Variants in FAM3C observed in about 807,000 individuals in gnomAD.
The protein encoded by FAM3C is FAM3 metabolism regulating signaling molecule C.
FAM3C carries 15 observed loss-of-function variants against 32.5 expected under a neutral mutation model. The observed-to-expected ratio is 0.46, with a 90% confidence interval of 0.31 to 0.71. The LOEUF (loss-of-function observed/expected upper bound fraction) is 0.71. Among genes scored for constraint, FAM3C ranks in the 30% least tolerant of loss-of-function variants. The pLI is 0.05. For missense variants in FAM3C, 175 were observed against 274.4 expected (o/e 0.64, Z 2.56); for synonymous variants, 75 against 86.1 (o/e 0.87, Z 0.72).
In FAM3C at chr7:121,349,097, AG is replaced by A. The variant is rs1196526349; in HGVS notation, c.*1363del. 18 of 152,346 alleles carry A rather than the reference AG, an allele frequency of 1.2e-4. No homozygotes were observed. Among genetic ancestry groups the A allele is most frequent in the Admixed American group, 6.6e-5 (1 of 15,226 alleles). The allele number at this position is 152,346 out of a possible 1,614,324, so 9.4% of individuals were successfully genotyped here. A position where few individuals can be genotyped will look rare whatever the true frequency, so the allele number is the denominator to read the frequency against. On this transcript the variant is annotated 3_prime_UTR_variant, in exon 10 of 10. Coordinates refer to ENST00000359943, the MANE Select transcript of FAM3C (RefSeq NM_014888.3). ...CATGAATTAATTACATTCAGTTTGA[AG>A]GAAGAAACAGTACTCCAAAGTTCAT... is the stretch of plus-strand genomic sequence containing the variant.
At chr7:121,374,666 A>G (rs560417757) in intron 3 of FAM3C, among the ~76,000 whole-genome samples, 10 of 152,354 alleles carry the variant, frequency 6.6e-5, no homozygotes, top group Non-Finnish European at 1.0e-4. Context: ...CCACACAATT[A>G]AATTTTGGCC....
At chr7:121,375,711 CTG>C (rs1794227642) in intron 3 of FAM3C, among the ~76,000 whole-genome samples, 1 of 152,196 alleles carries the variant, frequency 6.6e-6, no homozygotes, top group African/African-American at 2.4e-5. Context: ...CTATACCACA[CTG>C]TAGCTTCACC....
intron 1 of FAM3C, among the ~76,000 whole-genome samples, chr7:121,383,712 T>C (rs1380456199): frequency 6.6e-6 from 1 of 152,110 alleles, no homozygotes; most frequent in Non-Finnish European, 1.5e-5. Flanking sequence ...TGGAAAAAAA[T>C]CTGTATGTGC....
intron 1 of FAM3C, among the ~76,000 whole-genome samples, chr7:121,390,857 G>T (rs1237281730): frequency 2.6e-4 from 7 of 26,936 alleles, no homozygotes; most frequent in African/African-American, 5.1e-4. Flanking sequence ...GTGGGGCGGG[G>T]GGGGGGGGGG....
intron 8 of FAM3C, among the ~76,000 whole-genome samples, chr7:121,358,995 C>T (rs1793870468): frequency 6.6e-6 from 1 of 150,816 alleles, no homozygotes. Context: ...AAAAAAAAAC[C>T]ACTTGTGAAA....
chr7:121,369,908 G>A (rs539991637), intron 5 of FAM3C, among the ~76,000 whole-genome samples: 2 of 151,414 alleles, frequency 1.3e-5, no homozygotes, highest in East Asian at 1.9e-4. Context: ...TGTTGTTTAC[G>A]GTTTTAATCT....
chr7:121,372,215 C>A, intron 3 of FAM3C, 76 bp from the exon 4 acceptor site: 1 of 937,500 alleles, frequency 1.1e-6, no homozygotes, highest in Non-Finnish European at 1.7e-6. Context: ...ATATTTAGGT[C>A]CACAAAAATA....
intron 6 of FAM3C, among the ~76,000 whole-genome samples, chr7:121,363,195 A>C (rs1224479682): frequency 6.6e-6 from 1 of 152,174 alleles, no homozygotes; most frequent in Non-Finnish European, 1.5e-5. Flanking sequence ...TTTTAAGCCG[A>C]AGGATAAATA....
intron 8 of FAM3C, among the ~76,000 whole-genome samples, chr7:121,359,449 T>C (rs927778186): frequency 6.6e-6 from 1 of 152,024 alleles, no homozygotes; most frequent in Non-Finnish European, 1.5e-5. Flanking sequence ...ATTCTAAATA[T>C]TTAATGCCAA....
intron 1 of FAM3C, among the ~76,000 whole-genome samples, chr7:121,384,685 A>G (rs1466030322): frequency 1.3e-5 from 2 of 152,306 alleles, no homozygotes; most frequent in East Asian, 3.9e-4. Context: ...ACCACAATAT[A>G]AGCAATGATG....
chr7:121,383,740 A>C (rs1440813968), intron 1 of FAM3C, among the ~76,000 whole-genome samples: 1 of 152,148 alleles, frequency 6.6e-6, no homozygotes, highest in Non-Finnish European at 1.5e-5. Context: ...TTTTCCTCCT[A>C]AGAAATAACT....
At chr7:121,390,980 T>C (rs977053024) in intron 1 of FAM3C, among the ~76,000 whole-genome samples, 2 of 151,928 alleles carry the variant, frequency 1.3e-5, no homozygotes, top group Non-Finnish European at 2.9e-5. Context: ...GTCTTCAGTT[T>C]TGGTGGGCAA....
chr7:121,394,470 G>A (rs946158566), intron 1 of FAM3C, among the ~76,000 whole-genome samples: 1 of 152,076 alleles, frequency 6.6e-6, no homozygotes, highest in African/African-American at 2.4e-5. Flanking sequence ...ACTCCCTTTT[G>A]AAACAGAAGC....
chr7:121,387,099 A>G (rs1216981619), intron 1 of FAM3C, among the ~76,000 whole-genome samples: 1 of 152,170 alleles, frequency 6.6e-6, no homozygotes, highest in Non-Finnish European at 1.5e-5. Context: ...CATAGCCAAC[A>G]TGTGAACGAA....
chr7:121,380,889 T>A (rs746075518), intron 2 of FAM3C, among the ~76,000 whole-genome samples: 3 of 152,078 alleles, frequency 2.0e-5, no homozygotes, highest in South Asian at 2.1e-4. Context: ...AAATTTTACA[T>A]CATTTGCCTA....
intron 8 of FAM3C, among the ~76,000 whole-genome samples, chr7:121,358,582 TG>T (rs11322619): frequency 0.12 from 18,194 of 151,978 alleles, 1,426 homozygotes; most frequent in Non-Finnish European, 0.18. Flanking sequence ...ACAGGTCAAG[TG>T]AATGGAACAG....
At chr7:121,391,641 A>C (rs1794578942) in intron 1 of FAM3C, among the ~76,000 whole-genome samples, 1 of 152,212 alleles carries the variant, frequency 6.6e-6, no homozygotes, top group African/African-American at 2.4e-5. Flanking sequence ...ATTTAAGTGC[A>C]CCAGGGTAGA....
intron 7 of FAM3C, among the ~76,000 whole-genome samples, chr7:121,362,456 C>T (rs1380258915): frequency 6.6e-6 from 1 of 151,944 alleles, no homozygotes; most frequent in Non-Finnish European, 1.5e-5. Flanking sequence ...TCTAATGCTC[C>T]TAATGCTCCT....
intron 2 of FAM3C, 23 bp downstream of exon 2, chr7:121,382,934 T>C (rs753872086): frequency 1.5e-5 from 24 of 1,574,464 alleles, no homozygotes; most frequent in Non-Finnish European, 1.9e-5. Flanking sequence ...GTACAATTAC[T>C]TCTACTAAAT....
Sources: gnomAD v4.1 joint callset for allele counts (sites outside exome capture counted in the v4.1 genomes callset) on GRCh38, gnomAD v4.1.1 for gene constraint, MANE v1.5 for transcripts, NCBI Gene and HGNC (gene_info 2026-07-23, HGNC 2026-07-21) for gene names.